LHFPL6: variants seen among roughly 807,000 people sequenced by gnomAD.
The protein encoded by LHFPL6 is LHFPL tetraspan subfamily member 6, also known as LHFPL tetraspan subfamily member 6 protein.
In LHFPL6, 9 loss-of-function variants were observed where a neutral mutation model predicts 20.6. The ratio of observed to expected loss-of-function variants is 0.44; its 90% CI spans 0.26 to 0.76. The LOEUF (loss-of-function observed/expected upper bound fraction) is 0.76, where lower values mean the gene tolerates loss of function less well. Among genes scored for constraint, LHFPL6 ranks in the 30% least tolerant of loss-of-function variants. LHFPL6 has a pLI of 0.20. For missense variants in LHFPL6, 218 were observed against 253.5 expected, an observed-to-expected ratio of 0.86 and a Z score of 0.95; for synonymous variants, 105 against 98.7, an observed-to-expected ratio of 1.06 and a Z score of -0.38.
intron 2 of LHFPL6, among the ~76,000 whole-genome samples, chr13:39,428,485 G>A (rs1365750230): frequency 6.6e-6 from 1 of 152,102 alleles, no homozygotes; most frequent in Non-Finnish European, 1.5e-5. Context: ...GTATTGGTAT[G>A]CAGTGATTTA....
At chr13:39,346,457 T>C (rs1431447543) in intron 3 of LHFPL6, among the ~76,000 whole-genome samples, 1 of 152,216 alleles carries the variant, frequency 6.6e-6, no homozygotes, top group East Asian at 1.9e-4. Context: ...TAAATTCTCA[T>C]AGGAACACAA....
At chr13:39,345,443 G>A (rs1869367860) in intron 3 of LHFPL6, among the ~76,000 whole-genome samples, 1 of 144,488 alleles carries the variant, frequency 6.9e-6, no homozygotes, top group Non-Finnish European at 1.5e-5. Context: ...AACCCAGAAG[G>A]TGGAGGTTGC....
At chr13:39,471,962 T>C (rs1273463716) in intron 2 of LHFPL6, among the ~76,000 whole-genome samples, 2 of 152,224 alleles carry the variant, frequency 1.3e-5, no homozygotes, top group Non-Finnish European at 2.9e-5. Context: ...ATGGTGTGGA[T>C]AGGATACATG....
At chr13:39,462,349 A>G (rs993289627) in intron 2 of LHFPL6, among the ~76,000 whole-genome samples, 5 of 152,174 alleles carry the variant, frequency 3.3e-5, no homozygotes, top group Non-Finnish European at 7.3e-5. Flanking sequence ...GATAGACTAC[A>G]GTTAGTTAAA....
intron 2 of LHFPL6, among the ~76,000 whole-genome samples, chr13:39,544,325 G>A (rs1034750010): frequency 2.0e-5 from 3 of 152,192 alleles, no homozygotes; most frequent in African/African-American, 7.2e-5. Context: ...CTGAATTCAT[G>A]AGCAGGAAAT....
chr13:39,563,099 C>CAT (rs1235875971), intron 2 of LHFPL6, among the ~76,000 whole-genome samples: 11 of 50,600 alleles, frequency 2.2e-4, no homozygotes, highest in African/African-American at 2.2e-3. Flanking sequence ...GAAACACACA[C>CAT]ACACACACAC....
intron 2 of LHFPL6, among the ~76,000 whole-genome samples, chr13:39,472,168 T>G (rs1366835859): frequency 6.6e-6 from 1 of 152,180 alleles, no homozygotes; most frequent in East Asian, 1.9e-4. Flanking sequence ...ACATGCCTTC[T>G]CCTTGTGGCT....
At chr13:39,433,215 A>G (rs1248997089) in intron 2 of LHFPL6, among the ~76,000 whole-genome samples, 5 of 152,186 alleles carry the variant, frequency 3.3e-5, no homozygotes, top group African/African-American at 1.2e-4. Flanking sequence ...TTTGGTGAGT[A>G]ATGCTTTTTT....
rs568912881 is a variant in LHFPL6 at position 39,599,427 on chromosome 13, G to T, written c.385+1405C>A. The stretch of plus-strand genomic sequence containing the variant: ...CCACTTTCAATGACAACTTCTTTAG[G>T]TTTCCTAATAGTTTTAAGTACATAC... On this transcript the variant is annotated intron_variant, in intron 2 of 3. Transcript: ENST00000379589. Among the ~76,000 whole-genome samples, 6 of 152,104 alleles carry T rather than the reference G, an allele frequency of 3.9e-5. No homozygotes were observed. In the South Asian group the frequency reaches 1.2e-3, roughly 32 times the overall value.
intron 3 of LHFPL6, among the ~76,000 whole-genome samples, chr13:39,357,591 A>G (rs1446190573): frequency 1.3e-5 from 2 of 152,238 alleles, no homozygotes; most frequent in Non-Finnish European, 2.9e-5. Flanking sequence ...TTCTATACCT[A>G]GAAAACCCTT....
intron 2 of LHFPL6, among the ~76,000 whole-genome samples, chr13:39,585,638 T>C (rs185366399): frequency 6.6e-6 from 1 of 152,252 alleles, no homozygotes; most frequent in East Asian, 1.9e-4. Context: ...ATAAGTAAAA[T>C]ATAAGTATAA....
chr13:39,585,218 A>G (rs915228592), intron 2 of LHFPL6, among the ~76,000 whole-genome samples: 1 of 152,260 alleles, frequency 6.6e-6, no homozygotes, highest in Non-Finnish European at 1.5e-5. Context: ...TAGGAAATCC[A>G]TGCCTCATAC....
At chr13:39,498,253 C>G (rs193063616) in intron 2 of LHFPL6, among the ~76,000 whole-genome samples, 20 of 152,308 alleles carry the variant, frequency 1.3e-4, no homozygotes, top group Non-Finnish European at 2.8e-4. Context: ...ACCGGACTTA[C>G]CCCATGCCCA....
intron 2 of LHFPL6, among the ~76,000 whole-genome samples, chr13:39,385,576 C>T (rs1268132147): frequency 6.6e-6 from 1 of 152,236 alleles, no homozygotes. Context: ...TCACAAAATG[C>T]TAGAAATATC....
chr13:39,581,292 G>A (rs1872274286), intron 2 of LHFPL6, among the ~76,000 whole-genome samples: 1 of 152,090 alleles, frequency 6.6e-6, no homozygotes, highest in Non-Finnish European at 1.5e-5. Flanking sequence ...AAGTACAATT[G>A]TCTGAAATTA....
At chr13:39,515,959 A>G (rs1869898450) in intron 2 of LHFPL6, among the ~76,000 whole-genome samples, 1 of 152,224 alleles carries the variant, frequency 6.6e-6, no homozygotes, top group Admixed American at 6.5e-5. Context: ...ATACATAATT[A>G]CAGTATACCC....
At chr13:39,491,218 G>A (rs1484456871) in intron 2 of LHFPL6, among the ~76,000 whole-genome samples, 1 of 152,196 alleles carries the variant, frequency 6.6e-6, no homozygotes, top group Non-Finnish European at 1.5e-5. Context: ...GGAGGAAGGG[G>A]TAACTTATGA....
chr13:39,443,946 C>CCT (rs1351988621), intron 2 of LHFPL6, among the ~76,000 whole-genome samples: 1 of 150,872 alleles, frequency 6.6e-6, no homozygotes, highest in Non-Finnish European at 1.5e-5. Flanking sequence ...CTATGATGTT[C>CCT]AGTAGGTTTG....
At chr13:39,447,339 A>C (rs1377117030) in intron 2 of LHFPL6, among the ~76,000 whole-genome samples, 1 of 152,220 alleles carries the variant, frequency 6.6e-6, no homozygotes, top group Non-Finnish European at 1.5e-5. Context: ...CTTGCTGTTC[A>C]TAATGCCTAT....
Sources: allele counts gnomAD v4.1 joint callset (sites outside exome capture counted in the v4.1 genomes callset), GRCh38; gene constraint gnomAD v4.1.1; transcripts MANE v1.5; gene names NCBI Gene and HGNC (gene_info 2026-07-23, HGNC 2026-07-21).